ITPKA: variants seen among roughly 807,000 people sequenced by gnomAD.
ITPKA encodes the protein inositol-trisphosphate 3-kinase A, also known as IP3 3-kinase A.
A neutral mutation model predicts 40.7 loss-of-function variants in ITPKA; 16 were observed. The observed-to-expected ratio is 0.39, with a 90% CI of 0.27 to 0.60. The LOEUF (loss-of-function observed/expected upper bound fraction) is 0.60, where lower values mean the gene tolerates loss of function less well. ITPKA is among the 20% of genes least tolerant of loss of function. The pLI, the probability that ITPKA is intolerant of heterozygous loss-of-function variation, is 0.50. For synonymous variants in ITPKA, 313 were observed against 289.9 expected, an observed-to-expected ratio of 1.08 and a Z score of -0.81; for missense variants, 540 against 649.3, an observed-to-expected ratio of 0.83 and a Z score of 1.83.
chr15:41,502,920 C>T, intron 6 of ITPKA, 43 bp from the exon 7 acceptor site: 8 of 1,601,124 alleles, frequency 5.0e-6, no homozygotes, highest in African/African-American at 1.3e-5. Context: ...CCGGCAAGGG[C>T]GTCTCTGGGC....
In ITPKA at chr15:41,502,195, C is replaced by T. The variant is rs1220618379; in HGVS notation, c.1002C>T (p.Gly334=). 6.3e-7 allele frequency: 1 copy of T among 1,576,028 alleles called. No homozygotes were observed. The highest frequency in any genetic ancestry group is 8.6e-7 in the Non-Finnish European group (1 of 1,161,168). The stretch of plus-strand genomic sequence containing the variant: ...CCACCCTCGGCTTCCGCATCGAGGG[C>T]ATCAAGGTGAGGCAGGCGCGCTTCG... ...SSTTLGFRIE[G]IKKADGSCST... is the part of the protein sequence containing the mutation. Residue 334 remains glycine, a synonymous_variant, in exon 4 of 7, where the codon GGC becomes GGT. Transcript: ENST00000260386.
At position 41,494,785 on chromosome 15, in the gene ITPKA, G is replaced by C. The variant is rs1234586647; in HGVS notation, c.489+369G>C. 6.6e-6 allele frequency among the ~76,000 whole-genome samples: 1 copy of C among 152,214 alleles called. No individual in the cohort carries two copies. Among genetic ancestry groups the C allele is most frequent in the Non-Finnish European group, 1.5e-5 (1 of 68,024 alleles). ...GGTGAACCCTCGGAAGGAGAGAGGC[G>C]AAGGAGAGTTTCCCTTACCCCCCGC... On this transcript the variant is annotated intron_variant, in intron 1 of 6. Transcript: ENST00000260386. The surrounding 1 kb of genome is among the most constrained non-coding windows in gnomAD (Gnocchi z 7.8).
At position 41,494,063 on chromosome 15, in the gene ITPKA, G is replaced by A. The variant is rs2140670051; in HGVS notation, c.136G>A (p.Ala46Thr). The stretch of plus-strand genomic sequence containing the variant: ...CTTCGAGGCGCGCTGTGCGGCGGTC[G>A]CTGCGGCCGCCGCCGCGGGGGAGCC... ...LLFEARCAAV[A>T]AAAAAGEPRA... The change falls in exon 1 of 7, where the codon GCT (alanine) becomes ACT (threonine). Residue 46 changes from alanine (A) to threonine (T), a missense_variant. Ala to Thr is a moderately conservative substitution (Grantham distance 58, BLOSUM62 0). Coordinates refer to ENST00000260386, the MANE Select transcript of ITPKA (RefSeq NM_002220.3). The surrounding 1 kb of genome is among the most constrained non-coding windows in gnomAD (Gnocchi z 7.8). 2 of 1,235,970 alleles carry A rather than the reference G, an allele frequency of 1.6e-6. No individual in the cohort carries two copies. Among genetic ancestry groups the A allele is most frequent in the East Asian group, 3.3e-5 (1 of 30,624 alleles). The allele number at this position is 1,235,970 out of a possible 1,614,324, so 76.6% of individuals were successfully genotyped here.
At chr15:41,502,310 C>T (rs1021779564) in intron 4 of ITPKA, 92 bp from the exon 5 acceptor site, 20 of 1,400,324 alleles carry the variant, frequency 1.4e-5, no homozygotes, top group Admixed American at 3.5e-5. Flanking sequence ...ACCGCCTCGC[C>T]GTCCCCTGCA....
chr15:41,501,847 G>C lies in ITPKA; in HGVS notation c.799G>C (p.Val267Leu). Residue 267 changes from valine (V) to leucine (L), a missense_variant, in exon 3 of 7, where the codon GTC becomes CTC. Coordinates refer to ENST00000260386, the MANE Select transcript of ITPKA (RefSeq NM_002220.3). ...GPCVLDCKMG[V>L]RTYLEEELTK... ...TTGTGTGCTCGACTGCAAAATGGGC[G>C]TCAGGTATGCGTGCCCTGCCAGGTC... 1 of 1,612,776 alleles carries C rather than the reference G, an allele frequency of 6.2e-7. No homozygotes were observed. The highest frequency in any genetic ancestry group is 8.5e-7 in the Non-Finnish European group (1 of 1,179,648).
rs757789612 is a variant in ITPKA at position 41,501,869 on chromosome 15, G to T, written c.803+18G>T. On this transcript the variant is annotated intron_variant, in intron 3 of 6. Coordinates refer to ENST00000260386, the MANE Select transcript of ITPKA (RefSeq NM_002220.3). ...GGCGTCAGGTATGCGTGCCCTGCCA[G>T]GTCGGTTGGGGGGATCAAGTAGGGG... The T allele has an allele frequency of 5.6e-6, 9 of 1,609,552 alleles. No homozygotes were observed. The highest frequency in any genetic ancestry group is 1.7e-5 in the Admixed American group (1 of 59,854).
intron 1 of ITPKA, among the ~76,000 whole-genome samples, chr15:41,497,153 G>A (rs974437672): frequency 7.9e-5 from 12 of 152,176 alleles, no homozygotes; most frequent in African/African-American, 2.4e-4. Flanking sequence ...CCCTAGGAGT[G>A]AGGAATTATC....
intron 1 of ITPKA, among the ~76,000 whole-genome samples, chr15:41,496,041 T>C (rs1389698596): frequency 1.3e-5 from 2 of 152,234 alleles, no homozygotes; most frequent in East Asian, 3.8e-4. Context: ...GCTCCAAGGC[T>C]GCGGCTTCCA....
At chr15:41,502,652 C>A in intron 5 of ITPKA, 136 bp from the exon 6 acceptor site, 1 of 998,772 alleles carries the variant, frequency 1.0e-6, no homozygotes, top group Non-Finnish European at 1.5e-6. Flanking sequence ...CCTTCTGGGC[C>A]ACGCTGGGCG....
intron 1 of ITPKA, among the ~76,000 whole-genome samples, chr15:41,496,395 C>T (rs531353223): frequency 4.3e-4 from 65 of 152,296 alleles, no homozygotes; most frequent in African/African-American, 1.6e-3. Flanking sequence ...CTGGGGCATA[C>T]GTAGTCCCCT....
Position 41,494,932 on chromosome 15 carries a change from C to G in ITPKA, c.489+516C>G, listed in dbSNP as rs1046453806. ...CTGCCGTCTGCTCCCAGCGCCCGCA[C>G]GAGGCGTGGACGCAGGGGAGGGAGG... On this transcript the variant is annotated intron_variant, in intron 1 of 6. Transcript: ENST00000260386. This position sits in a 1 kb window ranked among gnomAD's most constrained non-coding sequence, Gnocchi z 7.8. 2.0e-5 allele frequency among the ~76,000 whole-genome samples: 3 copies of G among 152,204 alleles called. No individual in the cohort carries two copies. The highest frequency in any genetic ancestry group is 7.2e-5 in the African/African-American group (3 of 41,468).
rs2140680908 is a variant in ITPKA, at chr15:41,503,265, A to G, written c.*99A>G. On this transcript the variant is annotated 3_prime_UTR_variant, in exon 7 of 7. Coordinates refer to ENST00000260386, the MANE Select transcript of ITPKA (RefSeq NM_002220.3). The stretch of plus-strand genomic sequence containing the variant: ...GCTTGAGACTGGAGCCCCGCGGTGC[A>G]GGGCAGTTCACCGGGTCCTGCAGGA... The G allele has an allele frequency of 2.1e-5, 19 of 900,300 alleles. 1 individual carries two copies. In the South Asian group the frequency reaches 3.3e-4, roughly 16 times the overall value. The allele number at this position is 900,300 out of a possible 1,614,324, so 55.8% of individuals were successfully genotyped here.
At chr15:41,502,669 TG>T in intron 5 of ITPKA, 118 bp from the exon 6 acceptor site, 1 of 1,073,992 alleles carries the variant, frequency 9.3e-7, no homozygotes, top group Non-Finnish European at 1.3e-6. Flanking sequence ...GGCGGGGCCC[TG>T]GGTCCTCCTC....
At position 41,494,047 on chromosome 15, in the gene ITPKA, GCGCTGTGCGGCGGT is replaced by G; in HGVS notation, c.126_139del (p.Ala43GlyfsTer99). On this transcript the variant is annotated frameshift_variant, in exon 1 of 7. Coordinates refer to ENST00000260386, the MANE Select transcript of ITPKA (RefSeq NM_002220.3). LOFTEE classifies it high-confidence loss of function. This position sits in a 1 kb window ranked among gnomAD's most constrained non-coding sequence, Gnocchi z 7.8. ...GGGAGCTGCGCCTGCTCTTCGAGGC[GCGCTGTGCGGCGGT>G]CGCTGCGGCCGCCGCCGCGGGGGAG... 1 of 1,216,174 alleles carries G rather than the reference GCGCTGTGCGGCGGT, an allele frequency of 8.2e-7. No homozygotes were observed. The highest frequency in any genetic ancestry group is 1.0e-6 in the Non-Finnish European group (1 of 979,094). The allele number at this position is 1,216,174 out of a possible 1,614,324, so 75.3% of individuals were successfully genotyped here.
chr15:41,502,707 G>A, intron 5 of ITPKA, 81 bp from the exon 6 acceptor site: 2 of 1,324,992 alleles, frequency 1.5e-6, no homozygotes, highest in Non-Finnish European at 2.1e-6. Context: ...AGCACAGCGT[G>A]GGTCCCGGCT....
Position 41,503,007 on chromosome 15 carries a change from C to T in ITPKA, c.1227C>T (p.Arg409=), listed in dbSNP as rs1030538092. The T allele has an allele frequency of 8.1e-6, 13 of 1,608,130 alleles. No individual in the cohort carries two copies. Among genetic ancestry groups the T allele is most frequent in the African/African-American group, 1.3e-5 (1 of 74,832 alleles). Residue 409 remains arginine (R), a synonymous_variant, in exon 7 of 7, where the codon CGC becomes CGT. Coordinates refer to ENST00000260386, the MANE Select transcript of ITPKA (RefSeq NM_002220.3). ...TCTTTGTGCACGATCACTGCCATCG[C>T]GCCGGCGTGTGGCTCATCGACTTCG... ...SLLFVHDHCH[R]AGVWLIDFGK...
intron 4 of ITPKA, 22 bp downstream of exon 4, chr15:41,502,223 G>T (rs1354757286): frequency 4.5e-6 from 7 of 1,550,804 alleles, no homozygotes; most frequent in Non-Finnish European, 6.1e-6. Context: ...GCGCTTCGCT[G>T]GCACCGCCGC....
At position 41,502,038 on chromosome 15, in the gene ITPKA, C is replaced by G. The variant is rs560905871; in HGVS notation, c.845C>G (p.Pro282Arg). The change falls in exon 4 of 7, where the codon CCC (proline) becomes CGC (arginine). Residue 282 changes from proline to arginine, a missense_variant. Transcript: ENST00000260386. ...GAGCTGACCAAGGCCCGTGAGCGGCCCAAGCTGCGGAAGGACATGTACAAG... is the reference window on the plus strand; with the variant it reads ...GAGCTGACCAAGGCCCGTGAGCGGCGCAAGCTGCGGAAGGACATGTACAAG... ...EEELTKARERPKLRKDMYKKM... is the reference protein window; with the variant it reads ...EEELTKARERRKLRKDMYKKM... The G allele has an allele frequency of 6.2e-7, 1 of 1,613,212 alleles. No homozygotes were observed. The highest frequency in any genetic ancestry group is 8.5e-7 in the Non-Finnish European group (1 of 1,179,946).
chr15:41,501,649 G>T lies in ITPKA; in HGVS notation c.601G>T (p.Ala201Ser). 1 of 1,607,288 alleles carries T rather than the reference G, an allele frequency of 6.2e-7. No individual in the cohort carries two copies. Residue 201 changes from alanine to serine, a missense_variant, in exon 3 of 7, where the codon GCG becomes TCG. Physicochemically the swap from Ala to Ser is moderately conservative, Grantham distance 99. Coordinates refer to ENST00000260386, the MANE Select transcript of ITPKA (RefSeq NM_002220.3). ...LAGHTGSFKA[A>S]GTSGLILKRC... ...CCGGTCCTCAGGGAGTTTTAAGGCG[G>T]CGGGCACCAGCGGGCTGATCCTGAA...
Sources: gnomAD v4.1 joint callset for allele counts (sites outside exome capture counted in the v4.1 genomes callset) on GRCh38, gnomAD v4.1.1 for gene constraint, Gnocchi (gnomAD v3.1) non-coding constraint, MANE v1.5 for transcripts, NCBI Gene and HGNC (gene_info 2026-07-23, HGNC 2026-07-21) for gene names.